Variants in SHOC1 observed in about 807,000 individuals in gnomAD.
SHOC1 encodes the protein shortage in chiasmata 1, also known as protein shortage in chiasmata 1 ortholog.
SHOC1 carries 136 observed loss-of-function variants against 179.2 expected under a neutral mutation model. That is an observed-to-expected ratio of 0.76 (90% confidence interval 0.66 to 0.87). The LOEUF (loss-of-function observed/expected upper bound fraction) is 0.87, where lower values mean the gene tolerates loss of function less well. Among genes scored for constraint, SHOC1 ranks in the 40% least tolerant of loss-of-function variants. The probability of loss-of-function intolerance (pLI) is 0.00; values close to 1 mark genes in which losing one functional copy is unlikely to be tolerated. For synonymous variants in SHOC1, 489 were observed against 586.6 expected, an observed-to-expected ratio of 0.83 and a Z score of 2.41; for missense variants, 1,538 against 1,700.8, an observed-to-expected ratio of 0.90 and a Z score of 1.68.
At chr9:111,708,225 CAG>C (rs1377720930) in intron 18 of SHOC1, among the ~76,000 whole-genome samples, 3 of 149,918 alleles carry the variant, frequency 2.0e-5, no homozygotes, top group Non-Finnish European at 3.0e-5. Context: ...TTTTTTGAGA[CAG>C]AGTCTCGCTC....
chr9:111,773,934 C>T (rs1835728170), intron 5 of SHOC1, among the ~76,000 whole-genome samples: 1 of 152,000 alleles, frequency 6.6e-6, no homozygotes, highest in Non-Finnish European at 1.5e-5. Flanking sequence ...AATCTGGCAG[C>T]AATCAATATA....
chr9:111,730,547 G>C (rs1449135984), intron 12 of SHOC1, among the ~76,000 whole-genome samples: 1 of 152,218 alleles, frequency 6.6e-6, no homozygotes, highest in East Asian at 1.9e-4. Flanking sequence ...TCAATGAGCA[G>C]TAATATTTTG....
chr9:111,784,748 A>C (rs1028957785), intron 3 of SHOC1, among the ~76,000 whole-genome samples: 3 of 152,148 alleles, frequency 2.0e-5, no homozygotes, highest in African/African-American at 7.2e-5. Flanking sequence ...AGATTAAGGC[A>C]CCAGAAGATT....
intron 24 of SHOC1, 71 bp downstream of exon 24, chr9:111,699,883 G>T: frequency 1.2e-6 from 1 of 836,680 alleles, no homozygotes; most frequent in Non-Finnish European, 1.9e-6. Flanking sequence ...TTTTCTCATT[G>T]GGCACTTAAG....
At chr9:111,741,326 C>T (rs1834028209) in intron 11 of SHOC1, 150 bp downstream of exon 11, 1 of 529,338 alleles carries the variant, frequency 1.9e-6, no homozygotes, top group Admixed American at 3.3e-5. Context: ...CATAATGAAC[C>T]TTATGGAAGA....
At chr9:111,698,226 G>A (rs1178995015) in intron 24 of SHOC1, among the ~76,000 whole-genome samples, 1 of 152,162 alleles carries the variant, frequency 6.6e-6, no homozygotes, top group Non-Finnish European at 1.5e-5. Context: ...TTTGGCTTTT[G>A]TTGCCATTGC....
intron 2 of SHOC1, among the ~76,000 whole-genome samples, chr9:111,790,514 T>A (rs150086982): frequency 6.6e-6 from 1 of 152,326 alleles, no homozygotes; most frequent in Non-Finnish European, 1.5e-5. Context: ...ATTTTAATTG[T>A]TTGATTATTT....
intron 2 of SHOC1, among the ~76,000 whole-genome samples, chr9:111,789,751 G>T (rs1282214713): frequency 6.6e-6 from 1 of 151,938 alleles, no homozygotes; most frequent in Non-Finnish European, 1.5e-5. Context: ...AATATCGTGG[G>T]CAAAAAAAAG....
intron 16 of SHOC1, among the ~76,000 whole-genome samples, chr9:111,716,129 G>A (rs1049340656): frequency 2.0e-5 from 3 of 152,132 alleles, no homozygotes; most frequent in African/African-American, 7.2e-5. Flanking sequence ...TTATTCGTAT[G>A]GCTGGATACC....
At chr9:111,713,974 G>A (rs1832669948) in intron 17 of SHOC1, among the ~76,000 whole-genome samples, 1 of 152,060 alleles carries the variant, frequency 6.6e-6, no homozygotes, top group Non-Finnish European at 1.5e-5. Context: ...CTGACAATTG[G>A]AGAACCAATC....
In SHOC1 at chr9:111,709,702, A is replaced by G. The variant is rs1447966724; in HGVS notation, c.2489-1778T>C. Among the ~76,000 whole-genome samples, 4 of 152,316 alleles carry G rather than the reference A, an allele frequency of 2.6e-5. No homozygotes were observed. In the East Asian group the frequency reaches 5.8e-4, roughly 22 times the overall value. ...CCCAGATATGCGATACAGAGTAATA[A>G]TCTGTCAATAAGGGTGACTATAGTC... On this transcript the variant is annotated intron_variant, in intron 18 of 27. Coordinates refer to ENST00000682961, the MANE Select transcript of SHOC1 (RefSeq NM_001378211.1).
intron 8 of SHOC1, among the ~76,000 whole-genome samples, chr9:111,749,893 A>G (rs1015398589): frequency 6.6e-5 from 10 of 152,164 alleles, no homozygotes; most frequent in African/African-American, 2.4e-4. Context: ...CATGGTGTAT[A>G]TGTACCACAT....
intron 8 of SHOC1, among the ~76,000 whole-genome samples, chr9:111,754,515 T>G (rs1834764339): frequency 6.6e-6 from 1 of 152,300 alleles, no homozygotes; most frequent in East Asian, 1.9e-4. Context: ...TTGGTGGGAA[T>G]GAAATAGTGT....
chr9:111,753,228 C>T (rs1266147957), intron 8 of SHOC1, among the ~76,000 whole-genome samples: 2 of 152,180 alleles, frequency 1.3e-5, no homozygotes, highest in Non-Finnish European at 2.9e-5. Context: ...ATGAATTCCA[C>T]TAAACATTTT....
At chr9:111,772,177 T>C (rs823653) in intron 5 of SHOC1, among the ~76,000 whole-genome samples, 122,577 of 152,028 alleles carry the variant, frequency 0.81, 49,598 homozygotes, top group East Asian at 0.92. Flanking sequence ...TTGTTCCATT[T>C]GGATGTTGAG....
intron 3 of SHOC1, 72 bp from the exon 4 acceptor site, chr9:111,781,089 C>G: frequency 1.1e-6 from 1 of 944,306 alleles, no homozygotes; most frequent in Non-Finnish European, 1.7e-6. Context: ...GCCAAACATT[C>G]ACCTTTTACA....
At chr9:111,732,072 T>C (rs900639385) in intron 12 of SHOC1, among the ~76,000 whole-genome samples, 9 of 151,844 alleles carry the variant, frequency 5.9e-5, no homozygotes, top group African/African-American at 2.2e-4. Flanking sequence ...AGCAGGGAAA[T>C]AGAATTAAAA....
intron 8 of SHOC1, among the ~76,000 whole-genome samples, chr9:111,751,324 G>A (rs1361579623): frequency 6.6e-6 from 1 of 152,066 alleles, no homozygotes; most frequent in Non-Finnish European, 1.5e-5. Flanking sequence ...TTGGCTATTT[G>A]GGCTGTTTTT....
intron 8 of SHOC1, among the ~76,000 whole-genome samples, chr9:111,752,370 A>G (rs1380358277): frequency 1.3e-5 from 2 of 152,246 alleles, no homozygotes; most frequent in African/African-American, 4.8e-5. Flanking sequence ...CTAAGGCTAT[A>G]TAAAGATTTC....
Sources: gnomAD v4.1 joint callset for allele counts (sites outside exome capture counted in the v4.1 genomes callset) on GRCh38, gnomAD v4.1.1 for gene constraint, MANE v1.5 for transcripts, NCBI Gene and HGNC (gene_info 2026-07-23, HGNC 2026-07-21) for gene names.